SLC9D1: variants seen among roughly 807,000 people sequenced by gnomAD.
SLC9D1 encodes solute carrier family 9 member D1, also known as putative LAG1-interacting protein.
the SLC9D1 span, chr13:113,533,999 G>A: frequency 7.1e-7 from 1 of 1,414,306 alleles, no homozygotes; most frequent in Non-Finnish European, 9.7e-7. Context: ...GAGTTTTAGA[G>A]AACTGTGTTT....
chr13:113,544,047 T>C, the SLC9D1 span, among the ~76,000 whole-genome samples: 1 of 152,240 alleles, frequency 6.6e-6, no homozygotes, highest in African/African-American at 2.4e-5. Flanking sequence ...TTTGCCTCTG[T>C]GCGTGGGACC....
At chr13:113,507,003 A>G in the SLC9D1 span, among the ~76,000 whole-genome samples, 7 of 151,980 alleles carry the variant, frequency 4.6e-5, no homozygotes, top group African/African-American at 1.7e-4. Context: ...CTGCGTGGTG[A>G]CAGAGTCAGA....
At chr13:113,500,769 C>T in the SLC9D1 span, among the ~76,000 whole-genome samples, 2 of 152,088 alleles carry the variant, frequency 1.3e-5, no homozygotes, top group South Asian at 2.1e-4. Context: ...GAGGTTTGTA[C>T]AGGAGCAGAA....
At chr13:113,545,661 A>T in the SLC9D1 span, 1 of 150,852 alleles carries the variant, frequency 6.6e-6, no homozygotes, top group Non-Finnish European at 1.5e-5. Context: ...AGGAGCTTGC[A>T]CTGAGCTCAG....
chr13:113,506,572 T>A, the SLC9D1 span, among the ~76,000 whole-genome samples: 1 of 151,804 alleles, frequency 6.6e-6, no homozygotes, highest in Non-Finnish European at 1.5e-5. Context: ...TGTGTGTGTG[T>A]GTGTGTGTAA....
the SLC9D1 span, among the ~76,000 whole-genome samples, chr13:113,525,960 T>C: frequency 1.3e-5 from 2 of 152,020 alleles, no homozygotes; most frequent in East Asian, 1.9e-4. Context: ...GAACAAGCCG[T>C]CGTCGTCGTA....
the SLC9D1 span, among the ~76,000 whole-genome samples, chr13:113,548,880 G>A: frequency 2.6e-5 from 4 of 152,170 alleles, no homozygotes; most frequent in Non-Finnish European, 5.9e-5. Context: ...CTTGCATTGT[G>A]TAAGTGTGAG....
chr13:113,491,954 C>T, the SLC9D1 span, among the ~76,000 whole-genome samples: 1 of 152,230 alleles, frequency 6.6e-6, no homozygotes, highest in Non-Finnish European at 1.5e-5. Context: ...GATTGGATTA[C>T]TTGTGAAATA....
chr13:113,533,587 G>C, the SLC9D1 span, among the ~76,000 whole-genome samples: 3 of 152,190 alleles, frequency 2.0e-5, no homozygotes. Context: ...CACTTTCTCT[G>C]TGTCTGAATC....
At chr13:113,534,362 G>A in the SLC9D1 span, 1 of 830,844 alleles carries the variant, frequency 1.2e-6, no homozygotes, top group African/African-American at 1.7e-5. Flanking sequence ...ACATTTACTA[G>A]TATTTTTTAT....
At chr13:113,520,091 A>G in the SLC9D1 span, among the ~76,000 whole-genome samples, 1 of 152,244 alleles carries the variant, frequency 6.6e-6, no homozygotes, top group African/African-American at 2.4e-5. Context: ...ATAACAAGTA[A>G]GTCGTGGAAG....
At chr13:113,529,220 G>T in the SLC9D1 span, 1 of 152,114 alleles carries the variant, frequency 6.6e-6, no homozygotes, top group East Asian at 1.9e-4. Flanking sequence ...TTCTAATTCA[G>T]TCATGACACT....
chr13:113,503,528 T>C, the SLC9D1 span: 13 of 1,613,790 alleles, frequency 8.1e-6, no homozygotes, highest in Non-Finnish European at 1.1e-5. Context: ...TAGGAGAATT[T>C]GGGGTGTTTT....
chr13:113,536,345 A>C, the SLC9D1 span, among the ~76,000 whole-genome samples: 1 of 151,868 alleles, frequency 6.6e-6, no homozygotes, highest in Non-Finnish European at 1.5e-5. Context: ...TGCCTCAAAA[A>C]AAAAAAAGTT....
chr13:113,514,481 C>T, the SLC9D1 span: 1 of 150,526 alleles, frequency 6.6e-6, no homozygotes, highest in South Asian at 2.1e-4. Flanking sequence ...GGACTGAGAT[C>T]GACGCCATCC....
At chr13:113,492,370 C>A in the SLC9D1 span, among the ~76,000 whole-genome samples, 178 of 152,268 alleles carry the variant, frequency 1.2e-3, 1 homozygote, top group African/African-American at 4.1e-3. Context: ...AGGAGTAATA[C>A]AGAGAAATCC....
At chr13:113,498,594 G>A in the SLC9D1 span, 1 of 1,204,768 alleles carries the variant, frequency 8.3e-7, no homozygotes, top group African/African-American at 1.6e-5. Flanking sequence ...TGTTGAAATT[G>A]TTCACGTGTA....
the SLC9D1 span, chr13:113,500,088 AGT>A: frequency 6.3e-7 from 1 of 1,594,944 alleles, no homozygotes; most frequent in Non-Finnish European, 8.5e-7. Flanking sequence ...CAGAACAACC[AGT>A]ATATTTTGAC....
chr13:113,500,563 C>G, the SLC9D1 span, among the ~76,000 whole-genome samples: 1 of 152,128 alleles, frequency 6.6e-6, no homozygotes, highest in Non-Finnish European at 1.5e-5. Context: ...GCCTGGCGTT[C>G]CAGATGGAAC....
Sources: allele counts gnomAD v4.1 joint callset (sites outside exome capture counted in the v4.1 genomes callset), GRCh38; gene constraint gnomAD v4.1.1; transcripts MANE v1.5; gene names NCBI Gene and HGNC (gene_info 2026-07-23, HGNC 2026-07-21).